Variants in UTRN observed in about 807,000 individuals in gnomAD.
UTRN encodes utrophin.
Under a neutral mutation model 463.9 loss-of-function variants are expected in UTRN, and 283 were observed. The ratio of observed to expected loss-of-function variants is 0.61; its 90% confidence interval spans 0.55 to 0.67. The LOEUF is 0.67. Ranked by LOEUF, UTRN falls within the 30% of genes least tolerant of loss-of-function variation. UTRN has a pLI of 0.00. For missense variants in UTRN, 3,922 were observed against 4,084.3 expected (o/e 0.96, Z 1.08); for synonymous variants, 1,442 against 1,431.5 (o/e 1.01, Z -0.17).
intron 54 of UTRN, among the ~76,000 whole-genome samples, chr6:144,744,678 GA>G (rs553061337): frequency 6.7e-6 from 1 of 149,796 alleles, no homozygotes; most frequent in East Asian, 2.0e-4. Context: ...AGTGACATAG[GA>G]AAAAAAAGTC....
intron 43 of UTRN, among the ~76,000 whole-genome samples, chr6:144,533,877 C>T (rs1306337329): frequency 6.6e-6 from 1 of 151,972 alleles, no homozygotes; most frequent in African/African-American, 2.4e-5. Context: ...AATTATTTGA[C>T]ATTATTTTCT....
At chr6:144,296,469 C>T (rs1804713343) in intron 2 of UTRN, among the ~76,000 whole-genome samples, 1 of 152,338 alleles carries the variant, frequency 6.6e-6, no homozygotes, top group South Asian at 2.1e-4. Context: ...CTTTAATTAA[C>T]TCCCCAAGAG....
chr6:144,439,639 T>A (rs1786930983), intron 12 of UTRN, among the ~76,000 whole-genome samples: 1 of 152,100 alleles, frequency 6.6e-6, no homozygotes. Context: ...ACTACAGGCG[T>A]GTGCCACCAC....
intron 66 of UTRN, among the ~76,000 whole-genome samples, chr6:144,824,614 CT>C (rs34382974): frequency 1.2e-3 from 38 of 30,872 alleles, no homozygotes; most frequent in Non-Finnish European, 1.6e-3. Context: ...ATATATATAT[CT>C]TTTTTTTTTT....
intron 65 of UTRN, among the ~76,000 whole-genome samples, chr6:144,817,328 C>A (rs1407182805): frequency 6.6e-6 from 1 of 152,124 alleles, no homozygotes; most frequent in East Asian, 1.9e-4. Flanking sequence ...ACCGAATCTT[C>A]CAAGAAATGC....
At chr6:144,642,989 C>G (rs1300188405) in intron 51 of UTRN, among the ~76,000 whole-genome samples, 1 of 152,176 alleles carries the variant, frequency 6.6e-6, no homozygotes, top group Admixed American at 6.5e-5. Flanking sequence ...TCCTCTGCTT[C>G]AGTCTTCCTT....
chr6:144,616,618 T>C (rs1234156737), intron 51 of UTRN, among the ~76,000 whole-genome samples: 2 of 151,956 alleles, frequency 1.3e-5, no homozygotes, highest in Non-Finnish European at 2.9e-5. Flanking sequence ...TTAACCAAAG[T>C]GAACATCTTT....
rs997467109 is a variant in UTRN, at chr6:144,516,495, C to T, written c.5403+108C>T. The T allele has an allele frequency of 5.5e-6, 7 of 1,273,410 alleles. No individual in the cohort carries two copies. In the East Asian group the frequency reaches 1.5e-4, roughly 26 times the overall value. The allele number at this position is 1,273,410 out of a possible 1,614,324, so 78.9% of individuals were successfully genotyped here. On this transcript the variant is annotated intron_variant, in intron 38 of 74. Transcript: ENST00000367545. Reference sequence around the variant, plus strand: ...ATATAATCTGTCAAACATGATGAAACAGATTCAAATGTGATTTTTTGATGT... The same window carrying T: ...ATATAATCTGTCAAACATGATGAAATAGATTCAAATGTGATTTTTTGATGT...
At chr6:144,552,182 A>T (rs1236683827) in intron 48 of UTRN, among the ~76,000 whole-genome samples, 1 of 152,272 alleles carries the variant, frequency 6.6e-6, no homozygotes, top group African/African-American at 2.4e-5. Context: ...GAAGAAAGTC[A>T]GCTACTCTCC....
At chr6:144,812,282 G>A (rs1190120413) in intron 65 of UTRN, among the ~76,000 whole-genome samples, 2 of 152,150 alleles carry the variant, frequency 1.3e-5, no homozygotes, top group Non-Finnish European at 1.5e-5. Flanking sequence ...CCGGTCTTTG[G>A]GGATAATAAT....
At chr6:144,377,813 T>G (rs897762457) in intron 2 of UTRN, among the ~76,000 whole-genome samples, 4 of 152,210 alleles carry the variant, frequency 2.6e-5, no homozygotes, top group African/African-American at 7.2e-5. Flanking sequence ...CTTATTAGTA[T>G]TTCTTGGTTC....
At chr6:144,324,478 C>T (rs1167863032) in intron 2 of UTRN, among the ~76,000 whole-genome samples, 1 of 152,172 alleles carries the variant, frequency 6.6e-6, no homozygotes, top group Non-Finnish European at 1.5e-5. Context: ...AATTAACTGA[C>T]AGTTACAGCT....
chr6:144,530,336 C>T (rs1176650901), intron 41 of UTRN, among the ~76,000 whole-genome samples: 1 of 152,192 alleles, frequency 6.6e-6, no homozygotes, highest in Non-Finnish European at 1.5e-5. Context: ...GGACACCAGT[C>T]CTTTCAGACT....
At chr6:144,495,799 C>T (rs554199023) in intron 33 of UTRN, among the ~76,000 whole-genome samples, 45 of 152,212 alleles carry the variant, frequency 3.0e-4, no homozygotes, top group African/African-American at 9.9e-4. Flanking sequence ...TTTTTCTAGT[C>T]GCAACATGTA....
chr6:144,642,124 T>C (rs559421695), intron 51 of UTRN, among the ~76,000 whole-genome samples: 3 of 152,222 alleles, frequency 2.0e-5, no homozygotes, highest in Non-Finnish European at 4.4e-5. Context: ...GTTAAAAAGC[T>C]GCAAAAGCGT....
chr6:144,754,936 G>T (rs946227521), intron 57 of UTRN, 138 bp downstream of exon 57: 46 of 740,490 alleles, frequency 6.2e-5, no homozygotes, highest in Non-Finnish European at 7.2e-5. Context: ...TAACATCAAA[G>T]AAAATATTGC....
At chr6:144,701,091 G>C (rs1005735882) in intron 53 of UTRN, among the ~76,000 whole-genome samples, 1 of 152,038 alleles carries the variant, frequency 6.6e-6, no homozygotes, top group African/African-American at 2.4e-5. Context: ...ATTTTTACTA[G>C]AGACGGGATT....
At chr6:144,633,568 A>G (rs1026512020) in intron 51 of UTRN, among the ~76,000 whole-genome samples, 3 of 152,206 alleles carry the variant, frequency 2.0e-5, no homozygotes, top group African/African-American at 7.2e-5. Flanking sequence ...TTTTTTCCTC[A>G]GAAGTGTGGC....
intron 2 of UTRN, among the ~76,000 whole-genome samples, chr6:144,349,691 T>G (rs1421598081): frequency 1.3e-5 from 2 of 152,188 alleles, no homozygotes; most frequent in Admixed American, 6.6e-5. Flanking sequence ...TTTTGATATA[T>G]TTTTCCTTGG....
Sources: allele counts gnomAD v4.1 joint callset (sites outside exome capture counted in the v4.1 genomes callset), GRCh38; gene constraint gnomAD v4.1.1; transcripts MANE v1.5; gene names NCBI Gene and HGNC (gene_info 2026-07-23, HGNC 2026-07-21).